KNTC1: variants seen among roughly 807,000 people sequenced by gnomAD.
KNTC1 encodes kinetochore associated 1, also known as kinetochore-associated protein 1.
KNTC1 carries 253 observed loss-of-function variants against 314.4 expected under a neutral mutation model. That is an observed-to-expected ratio of 0.80 (90% CI 0.73 to 0.89). The LOEUF (loss-of-function observed/expected upper bound fraction) is 0.89. Ranked by LOEUF, KNTC1 falls within the 40% of genes least tolerant of loss-of-function variation. The pLI, the probability that KNTC1 is intolerant of heterozygous loss-of-function variation, is 0.00. For synonymous variants in KNTC1, 901 were observed against 901.4 expected, an observed-to-expected ratio of 1.00 and a Z score of 0.01; for missense variants, 2,475 against 2,572.9, an observed-to-expected ratio of 0.96 and a Z score of 0.82.
At chr12:122,602,282 T>A (rs2138113069) in intron 45 of KNTC1, 1 of 228,238 alleles carries the variant, frequency 4.4e-6, no homozygotes, top group Non-Finnish European at 8.4e-6. Context: ...TTGAATTATA[T>A]CTCAAATTAT....
At chr12:122,614,098 T>G (rs1355734825) in intron 55 of KNTC1, among the ~76,000 whole-genome samples, 1 of 152,150 alleles carries the variant, frequency 6.6e-6, no homozygotes, top group African/African-American at 2.4e-5. Flanking sequence ...CCCAAAGTAC[T>G]GGGATTACAG....
intron 4 of KNTC1, among the ~76,000 whole-genome samples, 173 bp downstream of exon 4, chr12:122,538,627 C>T (rs960648735): frequency 1.3e-5 from 2 of 152,052 alleles, no homozygotes; most frequent in Admixed American, 6.6e-5. Context: ...TCTTGGCTCT[C>T]GTGTAAATAG....
chr12:122,617,542 A>G, intron 57 of KNTC1: 1 of 221,518 alleles, frequency 4.5e-6, no homozygotes, highest in Non-Finnish European at 9.4e-6. Context: ...TTCCTTATTC[A>G]CCTTCTTGAA....
At chr12:122,562,469 GTGTGTGTGTGTA>G (rs1431843764) in intron 19 of KNTC1, among the ~76,000 whole-genome samples, 157 bp from the exon 20 acceptor site, 4 of 149,766 alleles carry the variant, frequency 2.7e-5, no homozygotes, top group East Asian at 2.0e-4. Flanking sequence ...GTGTGTGTGT[GTGTGTGTGTGTA>G]TGTGTGTGAA....
Position 122,588,732 on chromosome 12 carries a change from AGT to A in KNTC1, c.3916_3917del (p.Val1306Ter). 1 of 1,545,850 alleles carries A rather than the reference AGT, an allele frequency of 6.5e-7. No homozygotes were observed. Among genetic ancestry groups the A allele is most frequent in the Non-Finnish European group, 8.7e-7 (1 of 1,144,912 alleles). ...AAAAGTTATTTGGAGAGACTACATT[AGT>A]TAAATCAAGGCATGTTGTTATGGAA... ...SEKLFGETTLVKSRHVVMELK... is the reference protein window; with the variant it reads ...SEKLFGETTLXKSRHVVMELK... On this transcript the variant is annotated frameshift_variant, in exon 40 of 64. Coordinates refer to ENST00000333479, the MANE Select transcript of KNTC1 (RefSeq NM_014708.6).
chr12:122,561,386 A>AATTTTTGCAATTGCAAATAATGTC (rs1215718421), intron 18 of KNTC1, among the ~76,000 whole-genome samples: 3 of 151,762 alleles, frequency 2.0e-5, no homozygotes, highest in African/African-American at 7.3e-5. Flanking sequence ...TTTGGCATGC[A>AATTTTTGCAATTGCAAATAATGTC]ATTTTTGCAA....
chr12:122,588,310 G>C (rs1035063351), intron 39 of KNTC1, among the ~76,000 whole-genome samples: 1 of 152,130 alleles, frequency 6.6e-6, no homozygotes, highest in Non-Finnish European at 1.5e-5. Flanking sequence ...TCATTGAAGA[G>C]ATTCTAGAAG....
intron 33 of KNTC1, among the ~76,000 whole-genome samples, chr12:122,581,084 T>G (rs1468051744): frequency 6.6e-6 from 1 of 151,982 alleles, no homozygotes; most frequent in Non-Finnish European, 1.5e-5. Flanking sequence ...GATACTGGTT[T>G]TCCTTCTCTC....
At position 122,575,842 on chromosome 12, in the gene KNTC1, A is replaced by G; in HGVS notation, c.2529A>G (p.Lys843=). The G allele has an allele frequency of 1.2e-6, 2 of 1,613,638 alleles. No homozygotes were observed. Among genetic ancestry groups the G allele is most frequent in the Non-Finnish European group, 1.7e-6 (2 of 1,179,776 alleles). ...AAAGTTACAAACTAATGGAGATGAA[A>G]AAACTTTTACGAGGCTATGGAATAA... The part of the protein sequence containing the change: ...LQESYKLMEM[K]KLLRGYGIRE... Residue 843 remains lysine (K), a synonymous_variant, in exon 29 of 64, where the codon AAA becomes AAG. Coordinates refer to ENST00000333479, the MANE Select transcript of KNTC1 (RefSeq NM_014708.6).
In KNTC1 at chr12:122,605,221, G is replaced by A. The variant is rs149981063; in HGVS notation, c.5387-85G>A. 1.3e-5 allele frequency: 14 copies of A among 1,045,570 alleles called. No homozygotes were observed. The African/African-American group carries it at 2.3e-4, about 17-fold the overall frequency. The allele number at this position is 1,045,570 out of a possible 1,614,324, so 64.8% of individuals were successfully genotyped here. The stretch of plus-strand genomic sequence containing the variant: ...TGTATATACTTATATGTGTATGTAT[G>A]TGCATATATACACATACACATATAA... On this transcript the variant is annotated intron_variant, in intron 50 of 63. Coordinates refer to ENST00000333479, the MANE Select transcript of KNTC1 (RefSeq NM_014708.6).
At chr12:122,595,155 C>T (rs1020235498) in intron 43 of KNTC1, among the ~76,000 whole-genome samples, 16 of 152,310 alleles carry the variant, frequency 1.1e-4, no homozygotes, top group South Asian at 2.1e-4. Context: ...GGATTATAGG[C>T]GTGAGCCACT....
At chr12:122,542,195 T>A in intron 6 of KNTC1, 68 bp downstream of exon 6, 1 of 1,102,334 alleles carries the variant, frequency 9.1e-7, no homozygotes, top group Non-Finnish European at 1.3e-6. Context: ...AATGTAATAG[T>A]AAAATTTTAA....
intron 29 of KNTC1, 21 bp downstream of exon 29, chr12:122,575,920 G>T: frequency 6.4e-7 from 1 of 1,571,766 alleles, no homozygotes; most frequent in Non-Finnish European, 8.6e-7. Flanking sequence ...TCTTCGAAGA[G>T]TCTTTTTTCT....
At chr12:122,594,660 G>A (rs1242927001) in intron 43 of KNTC1, among the ~76,000 whole-genome samples, 4 of 152,170 alleles carry the variant, frequency 2.6e-5, no homozygotes, top group Non-Finnish European at 5.9e-5. Context: ...TGGCAGTTCT[G>A]ACTCAGTGGG....
chr12:122,577,621 G>A (rs372403130), intron 30 of KNTC1, 51 bp from the exon 31 acceptor site: 165 of 1,564,598 alleles, frequency 1.1e-4, no homozygotes, highest in Middle Eastern at 1.7e-4. Context: ...AGGCCACACC[G>A]TCCTTTGCAA....
At chr12:122,549,342 T>C (rs1228738937) in intron 12 of KNTC1, among the ~76,000 whole-genome samples, 4 of 149,622 alleles carry the variant, frequency 2.7e-5, no homozygotes, top group African/African-American at 7.4e-5. Context: ...GTTTTTGGTT[T>C]TTTGTTTTTT....
rs979269926 is a variant in KNTC1 at position 122,574,246 on chromosome 12, A to T, written c.2284-36A>T. 4 of 1,266,796 alleles carry T rather than the reference A, an allele frequency of 3.2e-6. No homozygotes were observed. In the African/African-American group the frequency reaches 4.5e-5, roughly 14 times the overall value. 78.5% of individuals were successfully genotyped at this position (1,266,796 alleles called of 1,614,324 possible). A position where few individuals can be genotyped will look rare whatever the true frequency, so the allele number is the denominator to read the frequency against. ...TGGCATTTTTTTAATGAGAATTTTT[A>T]ATTTTTAAAAAACATACATGTTTAT... On this transcript the variant is annotated intron_variant, in intron 26 of 63. Coordinates refer to ENST00000333479, the MANE Select transcript of KNTC1 (RefSeq NM_014708.6).
chr12:122,610,423 A>G (rs1160596021), intron 52 of KNTC1, among the ~76,000 whole-genome samples: 1 of 152,174 alleles, frequency 6.6e-6, no homozygotes, highest in East Asian at 1.9e-4. Flanking sequence ...GAGAGGGGCC[A>G]GCCTGCCCTG....
chr12:122,586,104 A>G (rs2138012497), intron 37 of KNTC1, among the ~76,000 whole-genome samples: 1 of 151,952 alleles, frequency 6.6e-6, no homozygotes, highest in East Asian at 1.9e-4. Context: ...TGTTTTTGAG[A>G]CGGAGTCCTG....
Sources: gnomAD v4.1 joint callset for allele counts (sites outside exome capture counted in the v4.1 genomes callset) on GRCh38, gnomAD v4.1.1 for gene constraint, MANE v1.5 for transcripts, NCBI Gene and HGNC (gene_info 2026-07-23, HGNC 2026-07-21) for gene names.